The following TRIM65 variants were observed in gnomAD, a reference collection of about 807,000 sequenced individuals.
The protein encoded by TRIM65 is tripartite motif containing 65, also known as E3 ubiquitin-protein ligase TRIM65.
In TRIM65, 46 loss-of-function variants were observed where a neutral mutation model predicts 36.1. The ratio of observed to expected loss-of-function variants is 1.27; its 90% CI spans 1.01 to 1.63. TRIM65 has a LOEUF of 1.63. TRIM65 is among the 40% of genes most tolerant of loss of function. The pLI is 0.00. For missense variants in TRIM65, 708 were observed against 696.6 expected, an observed-to-expected ratio of 1.02 and a Z score of -0.18; for synonymous variants, 346 against 313.6, an observed-to-expected ratio of 1.10 and a Z score of -1.09.
rs751788684 is a variant in TRIM65 at position 75,890,963 on chromosome 17, A to C, written c.1370T>G (p.Leu457Arg). 3.2e-5 allele frequency: 50 copies of C among 1,562,484 alleles called. No homozygotes were observed. Among genetic ancestry groups the C allele is most frequent in the Non-Finnish European group, 4.3e-5 (50 of 1,153,816 alleles). ...SGRLLGMDLD[L>R]ASGCLTFYSL... ...GTAGAAGGTGAGGCAGCCTGAGGCC[A>C]GGTCCAAATCCATGCCCAGGAGCCG... Residue 457 changes from leucine to arginine, a missense_variant, in exon 6 of 6, where the codon CTG becomes CGG. Physicochemically the swap from Leu to Arg is moderately radical, Grantham distance 102. Transcript: ENST00000269383.
At chr17:75,896,113 T>G (rs1271586359) in intron 1 of TRIM65, among the ~76,000 whole-genome samples, 1 of 152,190 alleles carries the variant, frequency 6.6e-6, no homozygotes, top group Non-Finnish European at 1.5e-5. Context: ...TGGAGTGCAG[T>G]GGCACGATCT....
At chr17:75,892,929 T>G (rs999797296) in intron 1 of TRIM65, 79 bp from the exon 2 acceptor site, 4 of 1,315,836 alleles carry the variant, frequency 3.0e-6, no homozygotes, top group Non-Finnish European at 3.2e-6. Flanking sequence ...CAACCAACCA[T>G]GCCTGCAGAC....
downstream of TRIM65, among the ~76,000 whole-genome samples, chr17:75,884,755 A>G (rs1045878293): frequency 2.6e-5 from 4 of 152,046 alleles, no homozygotes; most frequent in Non-Finnish European, 4.4e-5. Context: ...GGAAGCTGGG[A>G]CCACAGGCGC....
Position 75,889,148 on chromosome 17 carries a change from T to G in TRIM65, c.*1631A>C, listed in dbSNP as rs1348545074. On this transcript the variant is annotated 3_prime_UTR_variant, in exon 6 of 6. Transcript: ENST00000269383. ...CTCAGCTCACTGCAACCTCACCTCC[T>G]GGGTTCAAGCGATTCTTCTGCCTCA... 3 of 150,554 alleles carry G rather than the reference T, an allele frequency of 2.0e-5. No individual in the cohort carries two copies. Among genetic ancestry groups the G allele is most frequent in the African/African-American group, 7.4e-5 (3 of 40,810 alleles). The allele number at this position is 150,554 out of a possible 1,614,324, so 9.3% of individuals were successfully genotyped here.
chr17:75,883,341 T>C (rs887125472), intron 4 of TRIM65, among the ~76,000 whole-genome samples: 4 of 152,000 alleles, frequency 2.6e-5, no homozygotes, highest in Non-Finnish European at 4.4e-5. Flanking sequence ...GGTCTTGAAC[T>C]CCTGACCACA....
intron 5 of TRIM65, 116 bp downstream of exon 5, chr17:75,891,697 C>G: frequency 7.6e-7 from 1 of 1,317,952 alleles, no homozygotes; most frequent in South Asian, 1.3e-5. Flanking sequence ...AAAACAAGTG[C>G]CCCCCTCACT....
chr17:75,894,585 C>A (rs1460517614), intron 1 of TRIM65, among the ~76,000 whole-genome samples: 1 of 152,254 alleles, frequency 6.6e-6, no homozygotes, highest in Non-Finnish European at 1.5e-5. Context: ...CAGCTCCCCG[C>A]TCCTGAGCTT....
At chr17:75,881,251 A>AG (rs1161580379) in intron 4 of TRIM65, among the ~76,000 whole-genome samples, 15 of 66,208 alleles carry the variant, frequency 2.3e-4, no homozygotes, top group East Asian at 1.3e-3. Flanking sequence ...AAAAAAAAAA[A>AG]AAAAAAGAAA....
rs1003351718 is a variant in TRIM65 at position 75,890,377 on chromosome 17, C to G, written c.*402G>C. 6.1e-6 allele frequency: 1 copy of G among 162,762 alleles called. No homozygotes were observed. The highest frequency in any genetic ancestry group is 1.3e-5 in the Non-Finnish European group (1 of 75,748). The allele number at this position is 162,762 out of a possible 1,614,324, so 10.1% of individuals were successfully genotyped here. ...GGGGAGGAGGGAGGAATCTGTCTCC[C>G]CCTGGGACTACTCTGGCTCACCGCC... On this transcript the variant is annotated 3_prime_UTR_variant, in exon 6 of 6. Transcript: ENST00000269383.
In TRIM65 at chr17:75,891,713, G is replaced by A. The variant is rs568240965; in HGVS notation, c.985+100C>T. On this transcript the variant is annotated intron_variant, in intron 5 of 5. Coordinates refer to ENST00000269383, the MANE Select transcript of TRIM65 (RefSeq NM_173547.4). The stretch of plus-strand genomic sequence containing the variant: ...AAACAAGTGCCCCCCTCACTCACAC[G>A]TGCATACGAACATGCACACACACAC... 5.5e-4 allele frequency: 767 copies of A among 1,406,140 alleles called. 1 individual carries two copies. Among genetic ancestry groups the A allele is most frequent in the Middle Eastern group, 5.0e-3 (25 of 5,002 alleles). The allele number at this position is 1,406,140 out of a possible 1,614,324, so 87.1% of individuals were successfully genotyped here.
At chr17:75,894,109 C>G (rs1046619653) in intron 1 of TRIM65, among the ~76,000 whole-genome samples, 4 of 152,132 alleles carry the variant, frequency 2.6e-5, no homozygotes, top group Admixed American at 1.3e-4. Context: ...TCGATTCTTC[C>G]TTCTCTGACC....
downstream of TRIM65, among the ~76,000 whole-genome samples, chr17:75,884,656 T>C (rs866453223): frequency 6.6e-6 from 1 of 152,178 alleles, no homozygotes; most frequent in South Asian, 2.1e-4. Context: ...TCTCACTCTG[T>C]TGCCCAGGCT....
In TRIM65 at chr17:75,892,417, T is replaced by G. The variant is rs2065284466; in HGVS notation, c.594A>C (p.Ala198=). The G allele has an allele frequency of 3.7e-6, 6 of 1,613,786 alleles. No homozygotes were observed. Among genetic ancestry groups the G allele is most frequent in the African/African-American group, 1.3e-5 (1 of 74,936 alleles). ...LQALEIQHTT[A]LRSIEVAKTQ... ...TCTTGGCCACCTCGATGCTCCTCAG[T>G]GCTGTCGTGTGCTGTATTTCCAGGG... The change falls in exon 3 of 6, where the codon GCA becomes GCC. Residue 198 remains alanine, a synonymous_variant. Transcript: ENST00000269383.
At chr17:75,884,781 G>T (rs1650715801), downstream of TRIM65, among the ~76,000 whole-genome samples, 1 of 151,864 alleles carries the variant, frequency 6.6e-6, no homozygotes, top group African/African-American at 2.4e-5. Flanking sequence ...ACCATGCCAG[G>T]CTAATTTTTG....
In TRIM65 at chr17:75,889,238, T is replaced by C. The variant is rs1470847329; in HGVS notation, c.*1541A>G. ...GCCCGGCTAATTTTTGTATTTTTAG[T>C]AGAGACGGGGTTTTGCCTTGTTGGC... is the stretch of plus-strand genomic sequence containing the variant. On this transcript the variant is annotated 3_prime_UTR_variant, in exon 6 of 6. Transcript: ENST00000269383. 6.6e-6 allele frequency: 1 copy of C among 152,096 alleles called. No individual in the cohort carries two copies. Among genetic ancestry groups the C allele is most frequent in the African/African-American group, 2.4e-5 (1 of 41,398 alleles). The allele number at this position is 152,096 out of a possible 1,614,324, so 9.4% of individuals were successfully genotyped here. A position where few individuals can be genotyped will look rare whatever the true frequency, so the allele number is the denominator to read the frequency against.
downstream of TRIM65, among the ~76,000 whole-genome samples, chr17:75,886,083 G>C (rs759435944): frequency 6.6e-6 from 1 of 152,234 alleles, no homozygotes; most frequent in African/African-American, 2.4e-5. Context: ...TAAGTCTCAC[G>C]AGATCTGATG....
intron 2 of TRIM65, 54 bp downstream of exon 2, chr17:75,892,701 C>T (rs977878966): frequency 9.2e-6 from 14 of 1,522,520 alleles, no homozygotes; most frequent in African/African-American, 2.7e-5. Context: ...AGCTGGTGGC[C>T]GCCCCAGGAT....
chr17:75,886,872 C>T (rs563658940), downstream of TRIM65, among the ~76,000 whole-genome samples: 4 of 152,250 alleles, frequency 2.6e-5, no homozygotes, highest in South Asian at 2.1e-4. Flanking sequence ...TACCAGCGTG[C>T]GTTTTCCTGG....
chr17:75,891,727 GCACACACACACGTGCTCACA>G, intron 5 of TRIM65, 66 bp downstream of exon 5: 1 of 968,778 alleles, frequency 1.0e-6, no homozygotes, highest in Middle Eastern at 2.9e-4. Context: ...ATACGAACAT[GCACACACACACGTGCTCACA>G]GCACACACAG....
Sources: allele counts gnomAD v4.1 joint callset (sites outside exome capture counted in the v4.1 genomes callset), GRCh38; gene constraint gnomAD v4.1.1; transcripts MANE v1.5; gene names NCBI Gene and HGNC (gene_info 2026-07-23, HGNC 2026-07-21).